PDE4D: variants seen among roughly 807,000 people sequenced by gnomAD.
The protein encoded by PDE4D is 3',5'-cyclic-AMP phosphodiesterase 4D.
PDE4D carries 24 observed loss-of-function variants against 87.4 expected under a neutral mutation model. The observed-to-expected ratio is 0.27, with a 90% CI of 0.20 to 0.39. The LOEUF (loss-of-function observed/expected upper bound fraction) is 0.39. Among genes scored for constraint, PDE4D ranks in the 10% least tolerant of loss-of-function variants. The pLI, the probability that PDE4D is intolerant of heterozygous loss-of-function variation, is 1.00. For synonymous variants in PDE4D, 384 were observed against 383.2 expected (o/e 1.00, Z -0.02); for missense variants, 714 against 1,041.0 (o/e 0.69, Z 4.32).
At chr5:59,536,321 C>A (rs1031325715) in intron 1 of PDE4D, among the ~76,000 whole-genome samples, 2 of 151,520 alleles carry the variant, frequency 1.3e-5, no homozygotes, top group Non-Finnish European at 2.9e-5. Context: ...CTGGCTAACA[C>A]GATGAAACCC....
intron 1 of PDE4D, among the ~76,000 whole-genome samples, chr5:59,606,159 G>A (rs955159040): frequency 5.9e-5 from 9 of 151,908 alleles, no homozygotes; most frequent in Non-Finnish European, 5.9e-5. Context: ...TCATCTATGT[G>A]AACCCCAGAT....
intron 3 of PDE4D, among the ~76,000 whole-genome samples, chr5:59,908,997 G>C (rs558719737): frequency 6.6e-6 from 1 of 152,022 alleles, no homozygotes; most frequent in South Asian, 2.1e-4. Context: ...ATTTGCACTG[G>C]CTTTTTAAAG....
Position 59,574,895 on chromosome 5 carries a change from A to C in PDE4D, c.455+318273T>G, listed in dbSNP as rs113322690. Among the ~76,000 whole-genome samples the C allele has an allele frequency of 5.8e-3, 877 of 152,274 alleles. 6 individuals carry two copies. Among genetic ancestry groups the C allele is most frequent in the African/African-American group, 0.02 (847 of 41,550 alleles). Reference sequence around the variant, plus strand: ...ATAATGATATAAAATAGTTATTGATACTCTTTCATAATAAAGTGAGAATAA... The same window carrying C: ...ATAATGATATAAAATAGTTATTGATCCTCTTTCATAATAAAGTGAGAATAA... On this transcript the variant is annotated intron_variant, in intron 1 of 14. Transcript: ENST00000340635.
At chr5:59,370,725 G>T (rs1025282997) in intron 1 of PDE4D, among the ~76,000 whole-genome samples, 10 of 152,022 alleles carry the variant, frequency 6.6e-5, no homozygotes, top group East Asian at 3.9e-4. Context: ...CTGCTGTTTG[G>T]CCAACAACTA....
At chr5:60,465,632 T>C (rs147383970) in intron 1 of PDE4D, among the ~76,000 whole-genome samples, 1 of 152,270 alleles carries the variant, frequency 6.6e-6, no homozygotes, top group Non-Finnish European at 1.5e-5. Flanking sequence ...ATATCTGATA[T>C]TATAATTACA....
At chr5:59,129,883 G>T (rs988153505) in intron 5 of PDE4D, among the ~76,000 whole-genome samples, 2 of 152,082 alleles carry the variant, frequency 1.3e-5, no homozygotes, top group East Asian at 1.9e-4. Flanking sequence ...ACCCTACCTT[G>T]CAGGGTTATT....
rs1236119745 is a variant in PDE4D at position 58,989,821 on chromosome 5, G to A, written c.1386C>T (p.His462=). 2 of 1,608,882 alleles carry A rather than the reference G, an allele frequency of 1.2e-6. No individual in the cohort carries two copies. The highest frequency in any genetic ancestry group is 1.7e-6 in the Non-Finnish European group (2 of 1,175,414). ...CAACATCTGCAGCATGGATATTGTT[G>A]TGATAGGCCACATCAGCATGGTAAT... is the stretch of plus-strand genomic sequence containing the variant. ...EDHYHADVAY[H]NNIHAADVVQ... The change falls in exon 10 of 15, where the codon CAC becomes CAT. Residue 462 remains histidine, a synonymous_variant. Coordinates refer to ENST00000340635, the MANE Select transcript of PDE4D (RefSeq NM_001104631.2).
chr5:59,202,904 T>C (rs946202181), intron 2 of PDE4D, among the ~76,000 whole-genome samples: 9 of 152,338 alleles, frequency 5.9e-5, no homozygotes, highest in African/African-American at 1.9e-4. Context: ...AACAGACTAG[T>C]ACAGTGACCT....
At position 59,780,092 on chromosome 5, in the gene PDE4D, G is replaced by A. The variant is rs529420600; in HGVS notation, c.455+113076C>T. ...AGAAGAGCGTCAGTGAGCCGGGCGC[G>A]GTGGCTCACGCCTGTAATCCCAGCA... On this transcript the variant is annotated intron_variant, in intron 1 of 14. Transcript: ENST00000340635. Among the ~76,000 whole-genome samples the A allele has an allele frequency of 5.9e-5, 9 of 152,136 alleles. No homozygotes were observed. The South Asian group carries it at 1.5e-3, about 25-fold the overall frequency.
chr5:59,854,091 C>A lies in PDE4D; in HGVS notation c.455+39077G>T, dbSNP rs1043328112. ...ATAAATTCATAGTGATAGATATAGCCAAAGAATTTCCCATAAATATTGTTG... is the reference window on the plus strand; with the variant it reads ...ATAAATTCATAGTGATAGATATAGCAAAAGAATTTCCCATAAATATTGTTG... On this transcript the variant is annotated intron_variant, in intron 1 of 14. Transcript: ENST00000340635. Among the ~76,000 whole-genome samples the A allele has an allele frequency of 8.6e-5, 13 of 151,962 alleles. 1 individual carries two copies. The highest frequency in any genetic ancestry group is 2.7e-4 in the African/African-American group (11 of 41,488).
chr5:60,115,060 G>C (rs184295788), intron 2 of PDE4D, among the ~76,000 whole-genome samples: 83 of 152,038 alleles, frequency 5.5e-4, no homozygotes, highest in African/African-American at 1.9e-3. Context: ...TCAGTAGATT[G>C]AAGTGGCAGA....
chr5:60,388,367 G>T (rs533996894), intron 1 of PDE4D, among the ~76,000 whole-genome samples: 17 of 150,842 alleles, frequency 1.1e-4, no homozygotes, highest in Admixed American at 4.0e-4. Context: ...GGGTATTTTG[G>T]TTTTTTGGGG....
intron 2 of PDE4D, among the ~76,000 whole-genome samples, chr5:60,136,223 C>G (rs574608284): frequency 6.6e-6 from 1 of 152,038 alleles, no homozygotes; most frequent in Admixed American, 6.6e-5. Flanking sequence ...TCTGTACTTG[C>G]GCTACTGCTT....
At chr5:59,475,798 C>T (rs1026159421) in intron 1 of PDE4D, among the ~76,000 whole-genome samples, 7 of 152,006 alleles carry the variant, frequency 4.6e-5, no homozygotes, top group Non-Finnish European at 1.0e-4. Flanking sequence ...TCAATGTCCC[C>T]AAGCTCCCAG....
chr5:59,655,885 T>A (rs1252804949), intron 1 of PDE4D, among the ~76,000 whole-genome samples: 1 of 152,216 alleles, frequency 6.6e-6, no homozygotes, highest in African/African-American at 2.4e-5. Flanking sequence ...TGGAACTTCA[T>A]ACTCCAAAGT....
At chr5:59,559,039 G>A (rs1055771683) in intron 1 of PDE4D, among the ~76,000 whole-genome samples, 1 of 151,626 alleles carries the variant, frequency 6.6e-6, no homozygotes, top group Non-Finnish European at 1.5e-5. Flanking sequence ...AAGAGAAAGA[G>A]CATGAGCCAG....
At chr5:59,872,595 T>C (rs1222923583) in intron 1 of PDE4D, among the ~76,000 whole-genome samples, 1 of 152,200 alleles carries the variant, frequency 6.6e-6, no homozygotes, top group African/African-American at 2.4e-5. Context: ...TCAATTGAAC[T>C]TAGTTCTAGT....
intron 2 of PDE4D, among the ~76,000 whole-genome samples, chr5:60,070,210 GTATCCTGCTGAA>G (rs1436508148): frequency 6.6e-6 from 1 of 152,040 alleles, no homozygotes; most frequent in African/African-American, 2.4e-5. Flanking sequence ...AGGGCTTCAA[GTATCCTGCTGAA>G]TAGAAGCAGT....
intron 1 of PDE4D, among the ~76,000 whole-genome samples, chr5:59,853,769 CAT>C (rs1323392674): frequency 6.6e-6 from 1 of 151,958 alleles, no homozygotes; most frequent in Non-Finnish European, 1.5e-5. Flanking sequence ...TAAAAATATA[CAT>C]GTTACACATT....
Sources: gnomAD v4.1 joint callset for allele counts (sites outside exome capture counted in the v4.1 genomes callset) on GRCh38, gnomAD v4.1.1 for gene constraint, MANE v1.5 for transcripts, NCBI Gene and HGNC (gene_info 2026-07-23, HGNC 2026-07-21) for gene names.